EPB41L5: variants seen among roughly 807,000 people sequenced by gnomAD.
The protein encoded by EPB41L5 is band 4.1-like protein 5.
EPB41L5 carries 55 observed loss-of-function variants against 106.6 expected under a neutral mutation model. That is an observed-to-expected ratio of 0.52 (90% CI 0.42 to 0.65). The LOEUF is 0.65. Ranked by LOEUF, EPB41L5 falls within the 30% of genes least tolerant of loss-of-function variation. The pLI, the probability that EPB41L5 is intolerant of heterozygous loss-of-function variation, is 0.00. For missense variants in EPB41L5, 871 were observed against 882.1 expected, an observed-to-expected ratio of 0.99 and a Z score of 0.16; for synonymous variants, 297 against 306.7, an observed-to-expected ratio of 0.97 and a Z score of 0.33.
rs1047838037 is a variant in EPB41L5 at position 120,099,629 on chromosome 2, G to A, written c.1179-615G>A. Among the ~76,000 whole-genome samples, 5 of 152,050 alleles carry A rather than the reference G, an allele frequency of 3.3e-5. No homozygotes were observed. The South Asian group carries it at 6.2e-4, about 19-fold the overall frequency. On this transcript the variant is annotated intron_variant, in intron 14 of 24. Transcript: ENST00000263713. Reference sequence around the variant, plus strand: ...TTTTTAGTAGAGACAGGGTTTCACCGTGTTAGCCAGGATGGTCTCGATCTC... The same window carrying A: ...TTTTTAGTAGAGACAGGGTTTCACCATGTTAGCCAGGATGGTCTCGATCTC...
chr2:120,029,795 C>T (rs1004348447), intron 2 of EPB41L5, among the ~76,000 whole-genome samples: 4 of 152,058 alleles, frequency 2.6e-5, no homozygotes, highest in African/African-American at 7.2e-5. Flanking sequence ...AAAATACTAC[C>T]GCCTTTGTCA....
At chr2:120,055,910 A>G (rs1680618543) in intron 3 of EPB41L5, among the ~76,000 whole-genome samples, 1 of 151,968 alleles carries the variant, frequency 6.6e-6, no homozygotes, top group African/African-American at 2.4e-5. Flanking sequence ...TAGAATCTGG[A>G]TGTCTTGTGT....
rs779530425 is a variant in EPB41L5, at chr2:120,075,527, ATTAG to A, written c.452+11_452+14del. ...AAGATATTCTCAGTGGAAAGTGAGT[ATTAG>A]TTATTTAAGGATAAATGCACATTTT... On this transcript the variant is annotated splice_region_variant and intron_variant, in intron 6 of 24. Coordinates refer to ENST00000263713, the MANE Select transcript of EPB41L5 (RefSeq NM_020909.4). 5 of 1,544,058 alleles carry A rather than the reference ATTAG, an allele frequency of 3.2e-6. No individual in the cohort carries two copies. Among genetic ancestry groups the A allele is most frequent in the Non-Finnish European group, 4.5e-6 (5 of 1,118,782 alleles).
At chr2:120,074,235 C>G in intron 5 of EPB41L5, 57 bp downstream of exon 5, 1 of 1,333,920 alleles carries the variant, frequency 7.5e-7, no homozygotes, top group Non-Finnish European at 1.1e-6. Flanking sequence ...GAAAGACTGT[C>G]TTTATATTGT....
At chr2:120,140,171 A>T (rs1423389182) in intron 18 of EPB41L5, among the ~76,000 whole-genome samples, 1 of 151,988 alleles carries the variant, frequency 6.6e-6, no homozygotes, top group African/African-American at 2.4e-5. Context: ...GGGTGTGGGG[A>T]AAAGTGGGTA....
intron 14 of EPB41L5, among the ~76,000 whole-genome samples, chr2:120,096,744 T>C (rs533369113): frequency 6.6e-6 from 1 of 152,290 alleles, no homozygotes; most frequent in South Asian, 2.1e-4. Flanking sequence ...GAGCCGAGAC[T>C]GCGCCACTGC....
chr2:120,041,644 T>G (rs899795646), intron 2 of EPB41L5, among the ~76,000 whole-genome samples: 6 of 152,198 alleles, frequency 3.9e-5, no homozygotes, highest in African/African-American at 1.2e-4. Context: ...TTAAGTTTTT[T>G]GTATTTTCTT....
chr2:120,072,437 C>G (rs1282564969), intron 3 of EPB41L5, among the ~76,000 whole-genome samples: 1 of 152,100 alleles, frequency 6.6e-6, no homozygotes, highest in Non-Finnish European at 1.5e-5. Context: ...TGCGTATATA[C>G]CCAAAGGATT....
chr2:120,077,923 G>A (rs930369693), intron 9 of EPB41L5, among the ~76,000 whole-genome samples: 5 of 152,144 alleles, frequency 3.3e-5, no homozygotes, highest in Non-Finnish European at 5.9e-5. Flanking sequence ...ATTGGGCAAC[G>A]TGAAGGGCAA....
rs763380670 is a variant in EPB41L5, at chr2:120,041,993, C to G, written c.181-13C>G. Reference sequence around the variant, plus strand: ...AACCACTTATTGATTTACTTATTATCTTGCCATTTCAGAAAAAAGCCAAAG... The same window carrying G: ...AACCACTTATTGATTTACTTATTATGTTGCCATTTCAGAAAAAAGCCAAAG... On this transcript the variant is annotated splice_polypyrimidine_tract_variant and intron_variant, in intron 2 of 24. Coordinates refer to ENST00000263713, the MANE Select transcript of EPB41L5 (RefSeq NM_020909.4). 1 of 1,588,750 alleles carries G rather than the reference C, an allele frequency of 6.3e-7. No homozygotes were observed.
At chr2:120,173,818 G>A (rs560848973) in intron 24 of EPB41L5, among the ~76,000 whole-genome samples, 68 of 152,080 alleles carry the variant, frequency 4.5e-4, no homozygotes, top group Non-Finnish European at 7.6e-4. Context: ...GAGTAGCTGG[G>A]CTACAGGCAT....
intron 16 of EPB41L5, chr2:120,104,058 A>G: frequency 1.3e-6 from 2 of 1,531,862 alleles, no homozygotes; most frequent in Non-Finnish European, 1.7e-6. Flanking sequence ...CCAACCATCC[A>G]GGCTCTCTGC....
At chr2:120,099,213 G>A (rs1683971802) in intron 14 of EPB41L5, among the ~76,000 whole-genome samples, 1 of 151,668 alleles carries the variant, frequency 6.6e-6, no homozygotes. Flanking sequence ...CTTACTTCAG[G>A]GATACCATTT....
rs1350789073 is a variant in EPB41L5, at chr2:120,160,938, G to A, written c.1851G>A (p.Met617Ile). The A allele has an allele frequency of 4.3e-6, 7 of 1,613,880 alleles. No homozygotes were observed. Among genetic ancestry groups the A allele is most frequent in the Non-Finnish European group, 5.9e-6 (7 of 1,179,890 alleles). ...PLPKESLETL[M>I]LITPADSGSV... ...CCAAAGAGTCTCTTGAGACTCTGAT[G>A]CTTATCACACCTGCCGACAGTGGTT... Residue 617 changes from methionine to isoleucine, a missense_variant, in exon 21 of 25, where the codon ATG becomes ATA. Transcript: ENST00000263713.
intron 19 of EPB41L5, among the ~76,000 whole-genome samples, chr2:120,145,653 G>A (rs1409934918): frequency 2.0e-5 from 3 of 152,116 alleles, no homozygotes; most frequent in Non-Finnish European, 4.4e-5. Context: ...AAAAATTGGT[G>A]CATTATTGAT....
At chr2:120,057,642 T>C (rs1281315553) in intron 3 of EPB41L5, among the ~76,000 whole-genome samples, 3 of 152,164 alleles carry the variant, frequency 2.0e-5, no homozygotes, top group African/African-American at 7.2e-5. Context: ...ATCTCTTTTT[T>C]TTTTTTTGCT....
chr2:120,088,202 A>G (rs1216591176), intron 11 of EPB41L5, among the ~76,000 whole-genome samples: 1 of 152,142 alleles, frequency 6.6e-6, no homozygotes, highest in Non-Finnish European at 1.5e-5. Context: ...CTGCTCAGTA[A>G]TTTGACTGCT....
intron 23 of EPB41L5, 109 bp from the exon 24 acceptor site, chr2:120,167,768 A>C: frequency 1.5e-6 from 2 of 1,363,238 alleles, no homozygotes; most frequent in Non-Finnish European, 2.0e-6. Flanking sequence ...TAATTATCAA[A>C]ACCATCTTCG....
At chr2:120,173,199 A>G (rs190627632) in intron 24 of EPB41L5, among the ~76,000 whole-genome samples, 1 of 152,274 alleles carries the variant, frequency 6.6e-6, no homozygotes, top group Non-Finnish European at 1.5e-5. Context: ...TAATTACAAC[A>G]AACACTGAAT....
Sources: gnomAD v4.1 joint callset for allele counts (sites outside exome capture counted in the v4.1 genomes callset) on GRCh38, gnomAD v4.1.1 for gene constraint, MANE v1.5 for transcripts, NCBI Gene and HGNC (gene_info 2026-07-23, HGNC 2026-07-21) for gene names.